The following EPHB1 variants were observed in gnomAD, a reference collection of about 807,000 sequenced individuals.
The protein encoded by EPHB1 is EPH receptor B1, also known as ephrin type-B receptor 1.
EPHB1 carries 30 observed loss-of-function variants against 94.4 expected under a neutral mutation model. The observed-to-expected ratio is 0.32, with a 90% CI of 0.24 to 0.43. EPHB1 has a LOEUF of 0.43. Among genes scored for constraint, EPHB1 ranks in the 20% least tolerant of loss-of-function variants. The pLI is 1.00. For synonymous variants in EPHB1, 522 were observed against 489.1 expected (o/e 1.07, Z -0.89); for missense variants, 1,055 against 1,308.3 (o/e 0.81, Z 2.99).
At chr3:134,919,567 T>C (rs2038637023) in intron 1 of EPHB1, among the ~76,000 whole-genome samples, 1 of 152,172 alleles carries the variant, frequency 6.6e-6, no homozygotes, top group Non-Finnish European at 1.5e-5. Flanking sequence ...ACACCTTTAG[T>C]GCTGGGCTCC....
chr3:134,797,479 C>T (rs116279528), intron 1 of EPHB1, among the ~76,000 whole-genome samples: 2 of 152,166 alleles, frequency 1.3e-5, no homozygotes, highest in Admixed American at 6.5e-5. Flanking sequence ...GCTCTTTGCG[C>T]CCCCAGAGGT....
intron 3 of EPHB1, among the ~76,000 whole-genome samples, chr3:134,992,381 G>A (rs548850379): frequency 2.0e-5 from 3 of 152,142 alleles, no homozygotes; most frequent in Admixed American, 1.3e-4. Flanking sequence ...CTCTCTGTGC[G>A]CAAAGGACAC....
At position 134,860,897 on chromosome 3, in the gene EPHB1, C is replaced by T. The variant is rs2037243578; in HGVS notation, c.59-64919C>T. On this transcript the variant is annotated intron_variant, in intron 1 of 15. Transcript: ENST00000398015. ...AACCCCCAGTAGACCCTGGCTCATC[C>T]CCAGATTTAATAGGTGAAAGTAGTA... Among the ~76,000 whole-genome samples the T allele has an allele frequency of 2.0e-5, 3 of 152,140 alleles. No individual in the cohort carries two copies. The South Asian group carries it at 6.2e-4, about 32-fold the overall frequency.
At chr3:135,201,403 C>CA in intron 11 of EPHB1, 71 bp from the exon 12 acceptor site, 1 of 1,510,168 alleles carries the variant, frequency 6.6e-7, no homozygotes, top group African/African-American at 1.4e-5. Flanking sequence ...GCAGCAGGGC[C>CA]ACAACATCTC....
chr3:134,969,583 G>A (rs942854422), intron 3 of EPHB1, among the ~76,000 whole-genome samples: 2 of 151,964 alleles, frequency 1.3e-5, no homozygotes, highest in Admixed American at 6.6e-5. Context: ...GCTCTGCTTG[G>A]GCTTCTTTTC....
intron 3 of EPHB1, among the ~76,000 whole-genome samples, chr3:135,064,014 T>A (rs1937549440): frequency 6.6e-6 from 1 of 152,204 alleles, no homozygotes; most frequent in African/African-American, 2.4e-5. Context: ...TTGTGTATGT[T>A]AAACCATCCC....
chr3:135,066,882 T>A (rs1318713836), intron 3 of EPHB1, among the ~76,000 whole-genome samples: 1 of 152,228 alleles, frequency 6.6e-6, no homozygotes, highest in East Asian at 1.9e-4. Flanking sequence ...CACAGTGTGT[T>A]CCCTTGATGT....
chr3:135,053,149 A>G (rs1937242512), intron 3 of EPHB1, among the ~76,000 whole-genome samples: 1 of 128,374 alleles, frequency 7.8e-6, no homozygotes, highest in Non-Finnish European at 1.6e-5. Context: ...TAGATTTTAG[A>G]TGTTTCTAGG....
chr3:135,164,221 T>A (rs3772640), intron 7 of EPHB1, among the ~76,000 whole-genome samples: 36,519 of 152,198 alleles, frequency 0.24, 5,569 homozygotes, highest in East Asian at 0.56. Context: ...TGAGGGCAAC[T>A]GAAAATTTTC....
intron 12 of EPHB1, among the ~76,000 whole-genome samples, chr3:135,234,523 T>C (rs1484470070): frequency 6.6e-6 from 1 of 152,218 alleles, no homozygotes; most frequent in Non-Finnish European, 1.5e-5. Flanking sequence ...TTTTCAGGTA[T>C]CCTTATAGCA....
rs191637826 is a variant in EPHB1, at chr3:135,046,706, T to G, written c.806-59742T>G. ...GGGTGGGGCCGAGCAATCTGTGTCT[T>G]AACAAGCTCTCCAGGTGATTCTGAT... On this transcript the variant is annotated intron_variant, in intron 3 of 15. Coordinates refer to ENST00000398015, the MANE Select transcript of EPHB1 (RefSeq NM_004441.5). Among the ~76,000 whole-genome samples, 8 of 152,330 alleles carry G rather than the reference T, an allele frequency of 5.3e-5. No homozygotes were observed. The East Asian group carries it at 1.3e-3, about 26-fold the overall frequency.
At chr3:135,164,431 G>A (rs1941593513) in intron 7 of EPHB1, among the ~76,000 whole-genome samples, 1 of 152,220 alleles carries the variant, frequency 6.6e-6, no homozygotes, top group African/African-American at 2.4e-5. Flanking sequence ...ATCTGATTCA[G>A]TAGATCTGAG....
chr3:135,246,929 T>C (rs909143376), intron 13 of EPHB1, among the ~76,000 whole-genome samples: 2 of 152,066 alleles, frequency 1.3e-5, no homozygotes, highest in Non-Finnish European at 2.9e-5. Context: ...GCATAGAAAC[T>C]GTAAAAACTA....
At chr3:135,236,685 C>A (rs753145704) in intron 12 of EPHB1, among the ~76,000 whole-genome samples, 3 of 152,142 alleles carry the variant, frequency 2.0e-5, no homozygotes, top group Admixed American at 6.5e-5. Context: ...TCAAGGGGAT[C>A]CTCTCATGCT....
intron 15 of EPHB1, among the ~76,000 whole-genome samples, chr3:135,256,574 C>G (rs992694751): frequency 2.0e-5 from 3 of 152,206 alleles, no homozygotes; most frequent in African/African-American, 7.2e-5. Flanking sequence ...TGTAGGGTTT[C>G]TGCCGAGAGA....
intron 3 of EPHB1, among the ~76,000 whole-genome samples, chr3:135,074,587 T>C (rs1937843068): frequency 6.6e-6 from 1 of 152,224 alleles, no homozygotes; most frequent in Non-Finnish European, 1.5e-5. Flanking sequence ...ATCTTAAATA[T>C]GTTATCGAAA....
Position 134,952,043 on chromosome 3 carries a change from G to C in EPHB1, c.796G>C (p.Ala266Pro). ...TGGCTATGAGCCTGAGAACAGCGTGGCATGCAAGGGTAAGCTTTGGAGCCT... is the reference window on the plus strand; with the variant it reads ...TGGCTATGAGCCTGAGAACAGCGTGCCATGCAAGGGTAAGCTTTGGAGCCT... Reference protein sequence around the residue: ...KPGYEPENSVACKACPAGTFK... With the variant: ...KPGYEPENSVPCKACPAGTFK... The change falls in exon 3 of 16, where the codon GCA becomes CCA. Residue 266 changes from alanine (A) to proline (P), a missense_variant. Physicochemically the swap from Ala to Pro is conservative, Grantham distance 27 (BLOSUM62 -1). Transcript: ENST00000398015. 6.2e-7 allele frequency: 1 copy of C among 1,602,348 alleles called. No homozygotes were observed. Among genetic ancestry groups the C allele is most frequent in the Non-Finnish European group, 8.5e-7 (1 of 1,171,964 alleles).
intron 1 of EPHB1, among the ~76,000 whole-genome samples, chr3:134,812,480 A>G (rs1319684295): frequency 6.6e-6 from 1 of 152,232 alleles, no homozygotes; most frequent in Non-Finnish European, 1.5e-5. Context: ...ATTCCATTGC[A>G]TAGATATCTC....
At chr3:135,119,226 A>G (rs1400175589) in intron 4 of EPHB1, among the ~76,000 whole-genome samples, 3 of 152,110 alleles carry the variant, frequency 2.0e-5, no homozygotes, top group Non-Finnish European at 2.9e-5. Flanking sequence ...CTAGATGACA[A>G]TTAATTATAT....
Sources: gnomAD v4.1 joint callset for allele counts (sites outside exome capture counted in the v4.1 genomes callset) on GRCh38, gnomAD v4.1.1 for gene constraint, MANE v1.5 for transcripts, NCBI Gene and HGNC (gene_info 2026-07-23, HGNC 2026-07-21) for gene names.